The following THSD4 variants were observed in gnomAD, a reference collection of about 807,000 sequenced individuals.
The protein encoded by THSD4 is thrombospondin type 1 domain containing 4, also known as thrombospondin type-1 domain-containing protein 4.
Under a neutral mutation model 119.0 loss-of-function variants are expected in THSD4, and 69 were observed. The ratio of observed to expected loss-of-function variants is 0.58; its 90% CI spans 0.48 to 0.71. The LOEUF is 0.71. Among genes scored for constraint, THSD4 ranks in the 30% least tolerant of loss-of-function variants. THSD4 has a pLI of 0.00. For synonymous variants in THSD4, 524 were observed against 540.4 expected, an observed-to-expected ratio of 0.97 and a Z score of 0.42; for missense variants, 1,393 against 1,391.1, an observed-to-expected ratio of 1.00 and a Z score of -0.02.
At chr15:71,221,429 C>T (rs1405494479) in intron 4 of THSD4, among the ~76,000 whole-genome samples, 3 of 152,220 alleles carry the variant, frequency 2.0e-5, no homozygotes, top group African/African-American at 7.2e-5. Context: ...GAAACAATAA[C>T]TTCACATTCC....
At chr15:71,409,397 G>T (rs961391575) in intron 6 of THSD4, among the ~76,000 whole-genome samples, 1 of 152,148 alleles carries the variant, frequency 6.6e-6, no homozygotes, top group African/African-American at 2.4e-5. Flanking sequence ...AGGGAATGGG[G>T]TCTTGGTAGA....
intron 6 of THSD4, among the ~76,000 whole-genome samples, chr15:71,355,844 GT>G (rs1217781782): frequency 6.8e-6 from 1 of 146,170 alleles, no homozygotes; most frequent in Non-Finnish European, 1.5e-5. Flanking sequence ...TTTTCCAAGT[GT>G]TCTAATTTAG....
intron 15 of THSD4, among the ~76,000 whole-genome samples, chr15:71,763,498 G>T (rs2053659928): frequency 6.6e-6 from 1 of 151,674 alleles, no homozygotes; most frequent in African/African-American, 2.4e-5. Flanking sequence ...ATTGGTTGAG[G>T]CCAGGAGTTC....
At chr15:71,623,245 G>A (rs567279067) in intron 7 of THSD4, among the ~76,000 whole-genome samples, 1 of 152,322 alleles carries the variant, frequency 6.6e-6, no homozygotes, top group African/African-American at 2.4e-5. Context: ...GGTTACCAGA[G>A]TGGTGCCAGT....
At chr15:71,283,285 ACT>A (rs1365797337) in intron 6 of THSD4, among the ~76,000 whole-genome samples, 3 of 151,908 alleles carry the variant, frequency 2.0e-5, no homozygotes, top group African/African-American at 4.8e-5. Context: ...GATCTTTGTA[ACT>A]CTGTTGTATA....
At chr15:71,319,839 C>T (rs1281740201) in intron 6 of THSD4, among the ~76,000 whole-genome samples, 2 of 151,966 alleles carry the variant, frequency 1.3e-5, no homozygotes, top group South Asian at 2.1e-4. Context: ...TATTAATGAC[C>T]GTTTATTTGG....
chr15:71,238,691 A>T (rs894238553), intron 4 of THSD4, among the ~76,000 whole-genome samples: 1 of 152,206 alleles, frequency 6.6e-6, no homozygotes, highest in African/African-American at 2.4e-5. Flanking sequence ...TCTCTACATC[A>T]GTTGATAGGC....
intron 1 of THSD4, among the ~76,000 whole-genome samples, chr15:71,127,945 A>G (rs2040469109): frequency 2.6e-5 from 4 of 152,156 alleles, no homozygotes; most frequent in African/African-American, 9.6e-5. Context: ...TTTTGCCTGC[A>G]CTTCTGGGGT....
chr15:71,215,143 A>G lies in THSD4; in HGVS notation c.208A>G (p.Ser70Gly), dbSNP rs1162699738. 6.6e-6 allele frequency: 9 copies of G among 1,371,694 alleles called. No homozygotes were observed. Among genetic ancestry groups the G allele is most frequent in the Non-Finnish European group, 8.5e-6 (9 of 1,059,242 alleles). 85.0% of individuals were successfully genotyped at this position (1,371,694 alleles called of 1,614,324 possible). ...GPWSACSRSC[S>G]GGVMEQTRPC... is the part of the protein sequence containing the mutation. ...CTGGTCGGCCTGCTCGCGTAGCTGC[A>G]GCGGCGGCGTGATGGAGCAGACGCG... Residue 70 changes from serine (S) to glycine (G), a missense_variant, in exon 4 of 18, where the codon AGC (serine) becomes GGC (glycine). Ser to Gly is a moderately conservative substitution (Grantham distance 56, BLOSUM62 0). Coordinates refer to ENST00000261862, the MANE Select transcript of THSD4 (RefSeq NM_024817.3).
intron 7 of THSD4, among the ~76,000 whole-genome samples, chr15:71,456,906 A>G (rs1162051585): frequency 6.6e-6 from 1 of 152,206 alleles, no homozygotes; most frequent in African/African-American, 2.4e-5. Context: ...AGTCCCTTCA[A>G]GGAAATATCT....
At chr15:71,537,893 G>A (rs190150848) in intron 7 of THSD4, among the ~76,000 whole-genome samples, 1 of 151,930 alleles carries the variant, frequency 6.6e-6, no homozygotes. Context: ...CTCCCAAGTA[G>A]CTGGGTTTAC....
chr15:71,324,281 A>T (rs572516403), intron 6 of THSD4, among the ~76,000 whole-genome samples: 1 of 152,178 alleles, frequency 6.6e-6, no homozygotes, highest in African/African-American at 2.4e-5. Flanking sequence ...GTATTTCATT[A>T]TATGAGTGTG....
chr15:71,376,501 A>G (rs139524387), intron 6 of THSD4, among the ~76,000 whole-genome samples: 23 of 152,096 alleles, frequency 1.5e-4, no homozygotes, highest in African/African-American at 5.5e-4. Context: ...CTGACTTGCA[A>G]CCTTTTTCTG....
At chr15:71,312,217 A>G (rs541548759) in intron 6 of THSD4, among the ~76,000 whole-genome samples, 1 of 152,292 alleles carries the variant, frequency 6.6e-6, no homozygotes, top group Non-Finnish European at 1.5e-5. Flanking sequence ...AATCCCAGCT[A>G]CTAGGGAGGC....
chr15:71,692,248 A>G (rs1041871721), intron 8 of THSD4, among the ~76,000 whole-genome samples: 4 of 152,152 alleles, frequency 2.6e-5, no homozygotes, highest in African/African-American at 7.2e-5. Flanking sequence ...CAATGTTTCT[A>G]TTATTCTAAA....
At chr15:71,563,440 C>T (rs536053973) in intron 7 of THSD4, among the ~76,000 whole-genome samples, 6 of 152,298 alleles carry the variant, frequency 3.9e-5, no homozygotes, top group South Asian at 2.1e-4. Flanking sequence ...CTAAGAACTA[C>T]GTGTAAGCAC....
chr15:71,563,291 C>T (rs2049160993), intron 7 of THSD4, among the ~76,000 whole-genome samples: 1 of 152,132 alleles, frequency 6.6e-6, no homozygotes, highest in Admixed American at 6.5e-5. Context: ...GGAGGACCCA[C>T]TAGCAAAACC....
At chr15:71,609,330 A>G (rs1179215198) in intron 7 of THSD4, among the ~76,000 whole-genome samples, 2 of 152,184 alleles carry the variant, frequency 1.3e-5, no homozygotes, top group African/African-American at 4.8e-5. Context: ...GGGTCATTTC[A>G]CTAGGAGTAA....
At chr15:71,548,697 A>G (rs997938579) in intron 7 of THSD4, among the ~76,000 whole-genome samples, 3 of 152,214 alleles carry the variant, frequency 2.0e-5, no homozygotes, top group Non-Finnish European at 4.4e-5. Context: ...TGATGCTGGA[A>G]GCTGAAAGCA....
Sources: allele counts gnomAD v4.1 joint callset (sites outside exome capture counted in the v4.1 genomes callset), GRCh38; gene constraint gnomAD v4.1.1; transcripts MANE v1.5; gene names NCBI Gene and HGNC (gene_info 2026-07-23, HGNC 2026-07-21).